Variants in PRDM11 observed in about 807,000 individuals in gnomAD.
PRDM11 encodes the protein PR/SET domain 11.
A neutral mutation model predicts 97.8 loss-of-function variants in PRDM11; 20 were observed. The observed-to-expected ratio is 0.20, with a 90% CI of 0.14 to 0.30. The LOEUF (loss-of-function observed/expected upper bound fraction) is 0.30, where lower values mean the gene tolerates loss of function less well. Among genes scored for constraint, PRDM11 ranks in the 10% least tolerant of loss-of-function variants. The pLI, the probability that PRDM11 is intolerant of heterozygous loss-of-function variation, is 1.00. For synonymous variants in PRDM11, 599 were observed against 637.7 expected, an observed-to-expected ratio of 0.94 and a Z score of 0.91; for missense variants, 1,139 against 1,555.2, an observed-to-expected ratio of 0.73 and a Z score of 4.50.
At chr11:45,110,233 A>G (rs1287632137) in intron 1 of PRDM11, among the ~76,000 whole-genome samples, 15 of 152,152 alleles carry the variant, frequency 9.9e-5, no homozygotes, top group Admixed American at 9.8e-4. Flanking sequence ...TCCAAGAACA[A>G]CTAATCCTTA....
chr11:45,096,344 C>T (rs1261461223), intron 1 of PRDM11, among the ~76,000 whole-genome samples: 3 of 152,152 alleles, frequency 2.0e-5, no homozygotes, highest in Admixed American at 6.5e-5. Flanking sequence ...GTGCAGGCAC[C>T]GTGCTGGATG....
At chr11:45,147,306 A>C (rs1344325580) in intron 1 of PRDM11, 9 of 149,142 alleles carry the variant, frequency 6.0e-5, no homozygotes, top group African/African-American at 2.0e-4. Flanking sequence ...CGGGGCGCGG[A>C]CGCCGACGCC....
At chr11:45,117,843 GGAAA>G (rs2135621217) in intron 1 of PRDM11, among the ~76,000 whole-genome samples, 1 of 152,310 alleles carries the variant, frequency 6.6e-6, no homozygotes, top group Non-Finnish European at 1.5e-5. Flanking sequence ...AGTACAGTAT[GGAAA>G]GAAGGGAAAA....
Position 45,181,796 on chromosome 11 carries a change from C to G in PRDM11, c.30C>G (p.Ala10=). Reference sequence around the variant, plus strand: ...CCGAGAACATGAAGGAGTGCTTGGCCCAGACCAATGCAGCCGTGGGGGATA... The same window carrying G: ...CCGAGAACATGAAGGAGTGCTTGGCGCAGACCAATGCAGCCGTGGGGGATA... The part of the protein sequence containing the change: MTENMKECL[A]QTNAAVGDMV... Residue 10 remains alanine (A), a synonymous_variant, in exon 2 of 8, where the codon GCC becomes GCG. Transcript: ENST00000683152. 1 of 1,613,430 alleles carries G rather than the reference C, an allele frequency of 6.2e-7. No homozygotes were observed.
intron 1 of PRDM11, among the ~76,000 whole-genome samples, chr11:45,162,382 A>C (rs149592368): frequency 6.6e-6 from 1 of 151,852 alleles, no homozygotes; most frequent in African/African-American, 2.4e-5. Context: ...GAGAGGCCCA[A>C]AGGGCCTCTC....
chr11:45,183,925 A>T (rs901632276), intron 4 of PRDM11, among the ~76,000 whole-genome samples: 3 of 152,242 alleles, frequency 2.0e-5, no homozygotes, highest in African/African-American at 7.2e-5. Flanking sequence ...GCCTTCATGG[A>T]GTTCTCTGTG....
At chr11:45,114,664 A>G (rs1290163469) in intron 1 of PRDM11, among the ~76,000 whole-genome samples, 5 of 152,172 alleles carry the variant, frequency 3.3e-5, no homozygotes, top group African/African-American at 1.2e-4. Context: ...AAAATCTTGA[A>G]AGCAGCCAAT....
At chr11:45,172,279 T>C (rs1006854424) in intron 1 of PRDM11, among the ~76,000 whole-genome samples, 2 of 152,172 alleles carry the variant, frequency 1.3e-5, no homozygotes, top group African/African-American at 4.8e-5. Context: ...ATCCAGAAGT[T>C]TTCTAAATCT....
Position 45,174,345 on chromosome 11 carries a change from C to T in PRDM11, c.-6-7416C>T, listed in dbSNP as rs556381486. Among the ~76,000 whole-genome samples, 15 of 152,238 alleles carry T rather than the reference C, an allele frequency of 9.9e-5. No homozygotes were observed. In the South Asian group the frequency reaches 2.1e-3, roughly 21 times the overall value. On this transcript the variant is annotated intron_variant, in intron 1 of 7. Coordinates refer to ENST00000683152, the MANE Select transcript of PRDM11 (RefSeq NM_001384648.1). ...CTTTGCTTTTGCTTAGGATGACGGC[C>T]GCTAACCAGTGTATTAACTCTGCTT...
At chr11:45,216,386 G>C (rs1160885231) in intron 5 of PRDM11, among the ~76,000 whole-genome samples, 1 of 152,184 alleles carries the variant, frequency 6.6e-6, no homozygotes, top group Non-Finnish European at 1.5e-5. Context: ...ACTCCTTGGG[G>C]AGGGCTTCTG....
At chr11:45,097,318 C>T (rs999350259) in intron 1 of PRDM11, among the ~76,000 whole-genome samples, 7 of 152,322 alleles carry the variant, frequency 4.6e-5, no homozygotes, top group African/African-American at 1.7e-4. Flanking sequence ...GGACTAGGTT[C>T]CCTTCCAGTC....
At chr11:45,150,482 G>T (rs1851633312) in intron 1 of PRDM11, among the ~76,000 whole-genome samples, 1 of 152,210 alleles carries the variant, frequency 6.6e-6, no homozygotes, top group African/African-American at 2.4e-5. Flanking sequence ...GGCCCACTGT[G>T]TGCTGAGGGC....
chr11:45,179,814 G>A lies in PRDM11; in HGVS notation c.-6-1947G>A, dbSNP rs137878057. On this transcript the variant is annotated intron_variant, in intron 1 of 7. Coordinates refer to ENST00000683152, the MANE Select transcript of PRDM11 (RefSeq NM_001384648.1). ...CCAGGATCACACCGCCCATCAGTGG[G>A]ATTTGAACTCAGGCACTGCCTGTCC... Among the ~76,000 whole-genome samples, 210 of 152,368 alleles carry A rather than the reference G, an allele frequency of 1.4e-3. 2 individuals are homozygous for A. The highest frequency in any genetic ancestry group is 4.1e-3 in the African/African-American group (170 of 41,596).
Position 45,096,575 on chromosome 11 carries a change from G to T in PRDM11, c.96+674G>T, listed in dbSNP as rs1451530173. Among the ~76,000 whole-genome samples, 4 of 152,028 alleles carry T rather than the reference G, an allele frequency of 2.6e-5. No individual in the cohort carries two copies. The East Asian group carries it at 5.8e-4, about 22-fold the overall frequency. On this transcript the variant is annotated intron_variant, in intron 1 of 6. Coordinates refer to the PRDM11 transcript ENST00000530656. ...AATGGGTTTTCATTATTCTGGCCAG[G>T]CTCTCCGAAGATAAAAGACATCCTC...
chr11:45,128,059 C>A lies in PRDM11; in HGVS notation c.96+32158C>A, dbSNP rs1430344981. Among the ~76,000 whole-genome samples, 4 of 152,240 alleles carry A rather than the reference C, an allele frequency of 2.6e-5. No individual in the cohort carries two copies. The East Asian group carries it at 7.7e-4, about 29-fold the overall frequency. On this transcript the variant is annotated intron_variant, in intron 1 of 6. Transcript: ENST00000530656. The stretch of plus-strand genomic sequence containing the variant: ...CAAGCCTGGGCAATGGCAGGCGCCC[C>A]TCCCCCAGCCTCGCTGCCACCTTGC...
chr11:45,222,683 A>G (rs1017440818), intron 6 of PRDM11, among the ~76,000 whole-genome samples: 1 of 152,228 alleles, frequency 6.6e-6, no homozygotes, highest in African/African-American at 2.4e-5. Context: ...GGAAACCTGA[A>G]GTCAAACATG....
At chr11:45,137,429 C>CA (rs143576245) in intron 1 of PRDM11, among the ~76,000 whole-genome samples, 1,902 of 140,132 alleles carry the variant, frequency 0.014, 29 homozygotes, top group African/African-American at 0.045. Context: ...GACTCCGTCT[C>CA]AAAAAAAAAA....
chr11:45,132,320 C>T (rs1371921926), intron 1 of PRDM11, among the ~76,000 whole-genome samples: 2 of 152,092 alleles, frequency 1.3e-5, no homozygotes, highest in African/African-American at 4.8e-5. Context: ...AATAGGCAAC[C>T]CACAGTGTTC....
rs1854328713 is a variant in PRDM11, at chr11:45,228,295, T to G, written c.*136T>G. On this transcript the variant is annotated 3_prime_UTR_variant, in exon 8 of 8. Coordinates refer to ENST00000683152, the MANE Select transcript of PRDM11 (RefSeq NM_001384648.1). ...TATATATATATATATAAACTCACAC[T>G]GAAAATTTTTAAAAACCAAGGTGAC... 3.1e-6 allele frequency: 1 copy of G among 318,674 alleles called. No homozygotes were observed. 19.7% of individuals were successfully genotyped at this position (318,674 alleles called of 1,614,324 possible).
Sources: allele counts gnomAD v4.1 joint callset (sites outside exome capture counted in the v4.1 genomes callset), GRCh38; gene constraint gnomAD v4.1.1; transcripts MANE v1.5; gene names NCBI Gene and HGNC (gene_info 2026-07-23, HGNC 2026-07-21).